The following PPP2R5D variants were observed in gnomAD, a reference collection of about 807,000 sequenced individuals.
PPP2R5D encodes the protein serine/threonine-protein phosphatase 2A 56 kDa regulatory subunit delta isoform.
In PPP2R5D, 12 loss-of-function variants were observed where a neutral mutation model predicts 79.1. The ratio of observed to expected loss-of-function variants is 0.15; its 90% confidence interval spans 0.10 to 0.25. The LOEUF (loss-of-function observed/expected upper bound fraction) is 0.25, where lower values mean the gene tolerates loss of function less well. PPP2R5D is among the 10% of genes least tolerant of loss of function. PPP2R5D has a pLI of 1.00. For missense variants in PPP2R5D, 419 were observed against 760.2 expected, an observed-to-expected ratio of 0.55 and a Z score of 5.28; for synonymous variants, 277 against 286.6, an observed-to-expected ratio of 0.97 and a Z score of 0.34.
In PPP2R5D at chr6:43,008,927, G is replaced by C; in HGVS notation, c.1081-130G>C. 1 of 1,296,994 alleles carries C rather than the reference G, an allele frequency of 7.7e-7. No individual in the cohort carries two copies. The highest frequency in any genetic ancestry group is 1.5e-5 in the African/African-American group (1 of 67,426). 80.3% of individuals were successfully genotyped at this position (1,296,994 alleles called of 1,614,324 possible). On this transcript the variant is annotated intron_variant, in intron 10 of 15. Transcript: ENST00000485511. The surrounding 1 kb of genome is among the most constrained non-coding windows in gnomAD (Gnocchi z 4.2). ...ACCTAGGAAACAGATCCAAGGCAAA[G>C]AAACGGGTAGCTGGCTGAGATCACC... is the stretch of plus-strand genomic sequence containing the variant.
intron 2 of PPP2R5D, among the ~76,000 whole-genome samples, chr6:43,000,495 G>A (rs1219208222): frequency 6.6e-6 from 1 of 151,968 alleles, no homozygotes; most frequent in East Asian, 1.9e-4. Context: ...CACCCGCCTT[G>A]GCCTCCAAAA....
Position 43,007,801 on chromosome 6 carries a change from C to A in PPP2R5D, c.727-134C>A. On this transcript the variant is annotated intron_variant, in intron 6 of 15. Coordinates refer to ENST00000485511, the MANE Select transcript of PPP2R5D (RefSeq NM_006245.4). This position sits in a 1 kb window ranked among gnomAD's most constrained non-coding sequence, Gnocchi z 4.5. ...AATAGAATCAGCAATATAATAGAAT[C>A]ACTGCTTTCTAAGACTTGCTGGCCC... 8.7e-7 allele frequency: 1 copy of A among 1,146,066 alleles called. No individual in the cohort carries two copies. Among genetic ancestry groups the A allele is most frequent in the Non-Finnish European group, 1.3e-6 (1 of 789,818 alleles). The allele number at this position is 1,146,066 out of a possible 1,614,324, so 71.0% of individuals were successfully genotyped here. A position where few individuals can be genotyped will look rare whatever the true frequency, so the allele number is the denominator to read the frequency against.
At chr6:42,993,934 A>G (rs1178743724) in intron 2 of PPP2R5D, among the ~76,000 whole-genome samples, 2 of 152,178 alleles carry the variant, frequency 1.3e-5, no homozygotes, top group African/African-American at 2.4e-5. Context: ...CTTTGCATAC[A>G]TTGTCTCATT....
In PPP2R5D at chr6:43,006,747, A is replaced by C; in HGVS notation, c.322+68A>C. The C allele has an allele frequency of 2.5e-6, 4 of 1,586,048 alleles. No homozygotes were observed. The highest frequency in any genetic ancestry group is 3.4e-6 in the Non-Finnish European group (4 of 1,163,648). On this transcript the variant is annotated intron_variant, in intron 3 of 15. Transcript: ENST00000485511. The surrounding 1 kb of genome is among the most constrained non-coding windows in gnomAD (Gnocchi z 4.7). ...TGGGCATCGGGAGTTGGTGGAATGG[A>C]AGTTTTGGGGTATTTTGCGGGGAAG...
rs1762266955 is a variant in PPP2R5D at position 43,009,893 on chromosome 6, C to T, written c.1379+444C>T. On this transcript the variant is annotated intron_variant, in intron 12 of 15. Coordinates refer to ENST00000485511, the MANE Select transcript of PPP2R5D (RefSeq NM_006245.4). This position sits in a 1 kb window ranked among gnomAD's most constrained non-coding sequence, Gnocchi z 5.6. ...GACCAGCCTGCCCAACATAGTGAAA[C>T]CCCCATCTCTACTAAAAATACAAAA... Among the ~76,000 whole-genome samples, 1 of 151,976 alleles carries T rather than the reference C, an allele frequency of 6.6e-6. No individual in the cohort carries two copies. Among genetic ancestry groups the T allele is most frequent in the Admixed American group, 6.6e-5 (1 of 15,234 alleles).
intron 2 of PPP2R5D, among the ~76,000 whole-genome samples, chr6:42,991,121 C>A (rs1459361115): frequency 6.6e-6 from 1 of 152,182 alleles, no homozygotes. Context: ...AGGGAAGGAG[C>A]TATGTTATTC....
intron 2 of PPP2R5D, among the ~76,000 whole-genome samples, chr6:42,998,034 TATATATATATATATATATATATA>T (rs1304432836): frequency 1.1e-3 from 32 of 29,066 alleles, no homozygotes; most frequent in Middle Eastern, 0.011. Context: ...TATATATATA[TATATATATATATATATATATATA>T]TTTTTTTTTT....
Position 43,010,750 on chromosome 6 carries a change from G to A in PPP2R5D, c.1554+14G>A. ...CTTAATCCCCAGGTGAGGTTTTCCT[G>A]CCACTGTTGTGAACTGAGGGGCCAG... On this transcript the variant is annotated intron_variant, in intron 14 of 15. Transcript: ENST00000485511. The surrounding 1 kb of genome is among the most constrained non-coding windows in gnomAD (Gnocchi z 4.7). The A allele has an allele frequency of 1.9e-6, 3 of 1,613,838 alleles. No homozygotes were observed. Among genetic ancestry groups the A allele is most frequent in the Middle Eastern group, 3.3e-4 (2 of 6,062 alleles).
Position 43,006,326 on chromosome 6 carries a change from C to A in PPP2R5D, c.106-137C>A. The A allele has an allele frequency of 7.0e-7, 1 of 1,431,742 alleles. No homozygotes were observed. Among genetic ancestry groups the A allele is most frequent in the African/African-American group, 1.4e-5 (1 of 69,836 alleles). 88.7% of individuals were successfully genotyped at this position (1,431,742 alleles called of 1,614,324 possible). A position where few individuals can be genotyped will look rare whatever the true frequency, so the allele number is the denominator to read the frequency against. ...AGCACAGTTATCTCTGTAACCCTGG[C>A]CTTAGCTCCTTCGGGGCAGGAGACA... On this transcript the variant is annotated intron_variant, in intron 2 of 15. Coordinates refer to ENST00000485511, the MANE Select transcript of PPP2R5D (RefSeq NM_006245.4). This position sits in a 1 kb window ranked among gnomAD's most constrained non-coding sequence, Gnocchi z 4.7.
Position 43,011,547 on chromosome 6 carries a change from C to T in PPP2R5D, c.*261C>T, listed in dbSNP as rs1762351042. 1 of 529,662 alleles carries T rather than the reference C, an allele frequency of 1.9e-6. No individual in the cohort carries two copies. Among genetic ancestry groups the T allele is most frequent in the Non-Finnish European group, 3.4e-6 (1 of 294,930 alleles). 32.8% of individuals were successfully genotyped at this position (529,662 alleles called of 1,614,324 possible). On this transcript the variant is annotated 3_prime_UTR_variant, in exon 16 of 16. Coordinates refer to ENST00000485511, the MANE Select transcript of PPP2R5D (RefSeq NM_006245.4). ...GCTCAGACAACCTGGGGATGCCTGT[C>T]CCCTACCTGCTCCTCACCCACAGCT... is the stretch of plus-strand genomic sequence containing the variant.
chr6:42,984,980 C>T (rs1770723539), intron 1 of PPP2R5D, among the ~76,000 whole-genome samples: 1 of 151,354 alleles, frequency 6.6e-6, no homozygotes, highest in Non-Finnish European at 1.5e-5. Context: ...CCTCCTTCTT[C>T]CAGATCTGCC....
chr6:42,989,469 C>A (rs1341003461), intron 1 of PPP2R5D, 142 bp from the exon 2 acceptor site: 3 of 688,216 alleles, frequency 4.4e-6, no homozygotes, highest in Non-Finnish European at 7.3e-6. Flanking sequence ...TCCCTCCACC[C>A]ACCCCAGCTC....
chr6:42,990,718 T>C (rs1384928330), intron 2 of PPP2R5D, among the ~76,000 whole-genome samples: 1 of 139,176 alleles, frequency 7.2e-6, no homozygotes, highest in Non-Finnish European at 1.6e-5. Flanking sequence ...TTTTTTTTTT[T>C]TTTTTTTTGA....
chr6:43,011,611 A>C lies in PPP2R5D; in HGVS notation c.*325A>C. 2.7e-6 allele frequency: 1 copy of C among 366,394 alleles called. No homozygotes were observed. The highest frequency in any genetic ancestry group is 5.1e-6 in the Non-Finnish European group (1 of 197,210). 22.7% of individuals were successfully genotyped at this position (366,394 alleles called of 1,614,324 possible). Reference sequence around the variant, plus strand: ...CTGAGAAGTACACACAGGAATACATACGCTCCTCTATTCTTCCCTTCATCC... The same window carrying C: ...CTGAGAAGTACACACAGGAATACATCCGCTCCTCTATTCTTCCCTTCATCC... On this transcript the variant is annotated 3_prime_UTR_variant, in exon 16 of 16. Transcript: ENST00000485511.
rs1762104194 is a variant in PPP2R5D, at chr6:43,006,741, G to A, written c.322+62G>A. 6.3e-7 allele frequency: 1 copy of A among 1,589,246 alleles called. No individual in the cohort carries two copies. The highest frequency in any genetic ancestry group is 1.3e-5 in the African/African-American group (1 of 74,358). On this transcript the variant is annotated intron_variant, in intron 3 of 15. Transcript: ENST00000485511. The surrounding 1 kb of genome is among the most constrained non-coding windows in gnomAD (Gnocchi z 4.7). ...TTCTAGTGGGCATCGGGAGTTGGTG[G>A]AATGGAAGTTTTGGGGTATTTTGCG...
chr6:42,986,925 C>T (rs1015051928), intron 1 of PPP2R5D, among the ~76,000 whole-genome samples: 1 of 152,040 alleles, frequency 6.6e-6, no homozygotes, highest in Non-Finnish European at 1.5e-5. Flanking sequence ...TCTTGATTTT[C>T]AGTTGCATTT....
chr6:42,990,223 A>C (rs1393342367), intron 2 of PPP2R5D, among the ~76,000 whole-genome samples: 1 of 152,260 alleles, frequency 6.6e-6, no homozygotes, highest in Non-Finnish European at 1.5e-5. Flanking sequence ...AGCCGAGAGA[A>C]CACCAGAAGA....
intron 2 of PPP2R5D, among the ~76,000 whole-genome samples, chr6:43,000,687 T>G (rs549492984): frequency 3.5e-4 from 53 of 152,266 alleles, no homozygotes; most frequent in African/African-American, 1.2e-3. Context: ...TGTTGTCAGG[T>G]TGGCACTGAG....
In PPP2R5D at chr6:43,007,281, T is replaced by G; in HGVS notation, c.608T>G (p.Leu203Arg). 6.2e-7 allele frequency: 1 copy of G among 1,614,188 alleles called. No individual in the cohort carries two copies. The highest frequency in any genetic ancestry group is 8.5e-7 in the Non-Finnish European group (1 of 1,180,022). The change falls in exon 5 of 16, where the codon CTG becomes CGG. Residue 203 changes from leucine to arginine, a missense_variant. Physicochemically the swap from Leu to Arg is moderately radical, Grantham distance 102. Around this residue, in one of 5 missense-constraint regions of PPP2R5D, gnomAD observed 196 missense variants for 424.5 expected, o/e 0.46. Coordinates refer to ENST00000485511, the MANE Select transcript of PPP2R5D (RefSeq NM_006245.4). This position sits in a 1 kb window ranked among gnomAD's most constrained non-coding sequence, Gnocchi z 4.5. ...GACCCAGAGGAAGATGAGCCCACCC[T>G]GGAAGCTGCTTGGCCACATCTCCAG... ...EFDPEEDEPTLEAAWPHLQLV... is the reference protein window; with the variant it reads ...EFDPEEDEPTREAAWPHLQLV...
Sources: allele counts gnomAD v4.1 joint callset (sites outside exome capture counted in the v4.1 genomes callset), GRCh38; gene constraint gnomAD v4.1.1; regional missense constraint gnomAD v4.1.1; non-coding constraint Gnocchi (gnomAD v3.1); transcripts MANE v1.5; gene names NCBI Gene and HGNC (gene_info 2026-07-23, HGNC 2026-07-21).